The following SHOC1 variants were observed in gnomAD, a reference collection of about 807,000 sequenced individuals.
SHOC1 encodes the protein shortage in chiasmata 1, also known as protein shortage in chiasmata 1 ortholog.
SHOC1 carries 136 observed loss-of-function variants against 179.2 expected under a neutral mutation model. That is an observed-to-expected ratio of 0.76 (90% CI 0.66 to 0.87). SHOC1 has a LOEUF of 0.87. Among genes scored for constraint, SHOC1 ranks in the 40% least tolerant of loss-of-function variants. SHOC1 has a pLI of 0.00. For missense variants in SHOC1, 1,538 were observed against 1,700.8 expected, an observed-to-expected ratio of 0.90 and a Z score of 1.68; for synonymous variants, 489 against 586.6, an observed-to-expected ratio of 0.83 and a Z score of 2.41.
chr9:111,710,858 C>T (rs1221831232), intron 18 of SHOC1, among the ~76,000 whole-genome samples: 1 of 152,042 alleles, frequency 6.6e-6, no homozygotes, highest in Non-Finnish European at 1.5e-5. Context: ...TATGAAACAG[C>T]ATGATAGTTT....
At chr9:111,760,344 G>A (rs1835081678) in intron 5 of SHOC1, among the ~76,000 whole-genome samples, 2 of 152,076 alleles carry the variant, frequency 1.3e-5, no homozygotes, top group African/African-American at 2.4e-5. Context: ...GAGTTATACA[G>A]CATGCCCTGG....
At chr9:111,790,755 C>T (rs1448378597) in intron 2 of SHOC1, among the ~76,000 whole-genome samples, 2 of 152,088 alleles carry the variant, frequency 1.3e-5, no homozygotes, top group African/African-American at 4.8e-5. Flanking sequence ...ACCATGTTGG[C>T]CAGGCTGGTC....
At position 111,703,898 on chromosome 9, in the gene SHOC1, T is replaced by G. The variant is rs1420551923; in HGVS notation, c.2950A>C (p.Thr984Pro). 1.9e-6 allele frequency: 3 copies of G among 1,595,606 alleles called. No homozygotes were observed. The highest frequency in any genetic ancestry group is 2.6e-6 in the Non-Finnish European group (3 of 1,167,004). ...AGTTTTACCTGCAAAATTATGGCAG[T>G]GTGTTCATCAATTGTCACCACTACA... ...CYVVVTIDEHTAIILQDLEEL... is the reference protein window; with the variant it reads ...CYVVVTIDEHPAIILQDLEEL... Residue 984 changes from threonine (T) to proline (P), a missense_variant, in exon 22 of 28, where the codon ACT becomes CCT. Transcript: ENST00000682961.
intron 5 of SHOC1, among the ~76,000 whole-genome samples, chr9:111,773,997 G>A (rs948897063): frequency 3.9e-5 from 6 of 152,144 alleles, no homozygotes; most frequent in South Asian, 2.1e-4. Context: ...AGTGATGTCC[G>A]GTGACACAGG....
chr9:111,705,166 T>C lies in SHOC1; in HGVS notation c.2855+81A>G, dbSNP rs550637489. 2.1e-3 allele frequency: 829 copies of C among 397,476 alleles called. 15 individuals are homozygous for C. The highest frequency in any genetic ancestry group is 4.0e-3 in the East Asian group (82 of 20,460). The allele number at this position is 397,476 out of a possible 1,614,324, so 24.6% of individuals were successfully genotyped here. On this transcript the variant is annotated intron_variant, in intron 21 of 27. Transcript: ENST00000682961. ...GCATAATATTTAGCCTATCAGAATA[T>C]ATATACACACACACACACACACACA...
At chr9:111,759,464 G>C (rs1406636409) in intron 5 of SHOC1, 2 of 1,262,338 alleles carry the variant, frequency 1.6e-6, no homozygotes, top group Non-Finnish European at 2.0e-6. Flanking sequence ...GTTAATTTCT[G>C]GAATAAATTT....
chr9:111,718,753 G>C (rs2131400048), intron 15 of SHOC1, among the ~76,000 whole-genome samples: 1 of 152,282 alleles, frequency 6.6e-6, no homozygotes, highest in East Asian at 1.9e-4. Flanking sequence ...AATGGAGGTA[G>C]ACACCTAGGA....
intron 3 of SHOC1, among the ~76,000 whole-genome samples, chr9:111,784,530 C>A (rs1354050100): frequency 6.6e-6 from 1 of 152,130 alleles, no homozygotes; most frequent in Non-Finnish European, 1.5e-5. Context: ...ACTTTTAAAT[C>A]CCCACCCTTT....
chr9:111,769,996 T>TTG (rs1835530904), intron 5 of SHOC1, among the ~76,000 whole-genome samples: 2 of 146,750 alleles, frequency 1.4e-5, no homozygotes, highest in African/African-American at 5.1e-5. Flanking sequence ...GTTTTTTTTT[T>TTG]TTTTTTTTTT....
chr9:111,755,925 C>T (rs1205225405), intron 8 of SHOC1, among the ~76,000 whole-genome samples: 1 of 151,988 alleles, frequency 6.6e-6, no homozygotes, highest in African/African-American at 2.4e-5. Context: ...GAGTTCAAGA[C>T]CAGCCTGATC....
intron 10 of SHOC1, among the ~76,000 whole-genome samples, chr9:111,742,166 G>A (rs2131503274): frequency 6.6e-6 from 1 of 152,244 alleles, no homozygotes; most frequent in East Asian, 1.9e-4. Flanking sequence ...GCCAGAGAGG[G>A]CTGACTTGGG....
intron 27 of SHOC1, among the ~76,000 whole-genome samples, chr9:111,687,184 G>T (rs1329146669): frequency 6.6e-6 from 1 of 152,046 alleles, no homozygotes; most frequent in Non-Finnish European, 1.5e-5. Context: ...CTGACCTGAG[G>T]TGATCCACCT....
chr9:111,718,896 C>T (rs1832918126), intron 15 of SHOC1, among the ~76,000 whole-genome samples: 1 of 152,030 alleles, frequency 6.6e-6, no homozygotes. Flanking sequence ...AAAGTGAGAC[C>T]AAGAAGATGG....
intron 12 of SHOC1, among the ~76,000 whole-genome samples, chr9:111,731,221 G>T (rs2131453061): frequency 6.6e-6 from 1 of 152,250 alleles, no homozygotes; most frequent in South Asian, 2.1e-4. Context: ...TATCATTTGT[G>T]TGTTCACTAA....
chr9:111,793,936 C>G (rs1419300417), intron 1 of SHOC1, among the ~76,000 whole-genome samples: 1 of 152,076 alleles, frequency 6.6e-6, no homozygotes, highest in Non-Finnish European at 1.5e-5. Context: ...ACTGCAACCT[C>G]CAGCTCCCGG....
chr9:111,755,139 T>G (rs1834798524), intron 8 of SHOC1, among the ~76,000 whole-genome samples: 2 of 152,216 alleles, frequency 1.3e-5, no homozygotes, highest in South Asian at 2.1e-4. Context: ...CCGAGTCAAG[T>G]GAAGGCTGGG....
intron 10 of SHOC1, among the ~76,000 whole-genome samples, chr9:111,745,737 G>C (rs778608380): frequency 2.6e-5 from 4 of 152,290 alleles, no homozygotes; most frequent in Admixed American, 6.5e-5. Flanking sequence ...CATCTAATCT[G>C]TGGTATTTGT....
chr9:111,725,948 C>A (rs931518417), intron 13 of SHOC1, among the ~76,000 whole-genome samples: 1 of 151,978 alleles, frequency 6.6e-6, no homozygotes, highest in African/African-American at 2.4e-5. Context: ...ACTATGGCAA[C>A]CAGAAGATGT....
intron 26 of SHOC1, among the ~76,000 whole-genome samples, chr9:111,693,326 T>G (rs1158631171): frequency 6.8e-6 from 1 of 147,068 alleles, no homozygotes; most frequent in African/African-American, 2.5e-5. Flanking sequence ...AAAAAAATAC[T>G]GTAATCCCAG....
Sources: allele counts gnomAD v4.1 joint callset (sites outside exome capture counted in the v4.1 genomes callset), GRCh38; gene constraint gnomAD v4.1.1; transcripts MANE v1.5; gene names NCBI Gene and HGNC (gene_info 2026-07-23, HGNC 2026-07-21).